MYH15: variants seen among roughly 807,000 people sequenced by gnomAD.
The protein encoded by MYH15 is myosin-15.
In MYH15, 227 loss-of-function variants were observed where a neutral mutation model predicts 240.5. The observed-to-expected ratio is 0.94, with a 90% CI of 0.85 to 1.05. The LOEUF (loss-of-function observed/expected upper bound fraction) is 1.05. Ranked by LOEUF, MYH15 falls within the 50% of genes least tolerant of loss-of-function variation. MYH15 has a pLI of 0.00. For missense variants in MYH15, 2,217 were observed against 2,247.5 expected (o/e 0.99, Z 0.27); for synonymous variants, 785 against 796.7 (o/e 0.99, Z 0.25).
chr3:108,486,796 A>G (rs185877037), intron 9 of MYH15, among the ~76,000 whole-genome samples: 13 of 152,272 alleles, frequency 8.5e-5, no homozygotes, highest in African/African-American at 2.9e-4. Flanking sequence ...GTAAAAAAAA[A>G]CAAAAACAAA....
At chr3:108,532,130 T>C (rs1444108254), upstream of MYH15, among the ~76,000 whole-genome samples, 3 of 151,724 alleles carry the variant, frequency 2.0e-5, no homozygotes, top group Non-Finnish European at 4.4e-5. Flanking sequence ...TATATAAAGA[T>C]CCTAAATGTT....
In MYH15 at chr3:108,464,606, A is replaced by T. The variant is rs372076251; in HGVS notation, c.1731+32T>A. The T allele has an allele frequency of 9.0e-6, 14 of 1,562,170 alleles. No homozygotes were observed. In the African/African-American group the frequency reaches 1.8e-4, roughly 20 times the overall value. Reference sequence around the variant, plus strand: ...AGCGCATTTGAAACAAAGTCAGGAAAATTCAAGACCGGGGGTCCAGAGGTA... The same window carrying T: ...AGCGCATTTGAAACAAAGTCAGGAATATTCAAGACCGGGGGTCCAGAGGTA... On this transcript the variant is annotated intron_variant, in intron 15 of 40. Coordinates refer to ENST00000693548, the MANE Select transcript of MYH15 (RefSeq NM_014981.3).
chr3:108,437,553 C>G lies in MYH15; in HGVS notation c.3221+1G>C, dbSNP rs754915159. 1 of 1,611,382 alleles carries G rather than the reference C, an allele frequency of 6.2e-7. No individual in the cohort carries two copies. The highest frequency in any genetic ancestry group is 1.7e-5 in the Admixed American group (1 of 59,510). On this transcript the variant is annotated splice_donor_variant, in intron 25 of 40. Transcript: ENST00000693548. LOFTEE classifies it high-confidence loss of function. Reference sequence around the variant, plus strand: ...CTCATGTCAACAGAAAGGTGGCTTACTTCCTCAGCTCTTCTGCCAGGTGTC... The same window carrying G: ...CTCATGTCAACAGAAAGGTGGCTTAGTTCCTCAGCTCTTCTGCCAGGTGTC...
upstream of MYH15, among the ~76,000 whole-genome samples, chr3:108,511,167 G>A (rs746635968): frequency 2.0e-5 from 3 of 151,978 alleles, no homozygotes; most frequent in East Asian, 3.9e-4. Context: ...CAGACAGACC[G>A]TTATAGACAG....
At chr3:108,384,822 A>C in intron 38 of MYH15, 40 bp from the exon 39 acceptor site, 2 of 1,567,026 alleles carry the variant, frequency 1.3e-6, no homozygotes, top group Non-Finnish European at 1.8e-6. Context: ...GATTCAGAGG[A>C]TCCAGCAGTC....
At chr3:108,416,248 A>G (rs983267613) in intron 29 of MYH15, among the ~76,000 whole-genome samples, 4 of 152,218 alleles carry the variant, frequency 2.6e-5, no homozygotes, top group African/African-American at 9.6e-5. Flanking sequence ...ATGTACAAGT[A>G]AGATAGTTTG....
chr3:108,458,713 T>C (rs546745123), intron 18 of MYH15, among the ~76,000 whole-genome samples: 8 of 151,924 alleles, frequency 5.3e-5, no homozygotes, highest in African/African-American at 1.7e-4. Context: ...ATCCATGTAG[T>C]TAATTTTGGT....
chr3:108,478,321 T>C (rs1357388864), intron 11 of MYH15, among the ~76,000 whole-genome samples: 1 of 152,212 alleles, frequency 6.6e-6, no homozygotes, highest in Non-Finnish European at 1.5e-5. Context: ...ATACCTACTT[T>C]ATGTTAGTTT....
intron 37 of MYH15, among the ~76,000 whole-genome samples, chr3:108,391,202 T>C (rs1353477318): frequency 1.3e-5 from 2 of 152,224 alleles, no homozygotes; most frequent in African/African-American, 4.8e-5. Flanking sequence ...ATATGCCTTG[T>C]CTGTAGTCAT....
chr3:108,387,657 A>G (rs1332501309), intron 38 of MYH15, among the ~76,000 whole-genome samples: 2 of 152,228 alleles, frequency 1.3e-5, no homozygotes, highest in African/African-American at 4.8e-5. Context: ...TGTCATCAAC[A>G]TGGGTGGCTT....
intron 30 of MYH15, among the ~76,000 whole-genome samples, chr3:108,411,625 T>C (rs993947373): frequency 1.1e-4 from 17 of 152,202 alleles, no homozygotes; most frequent in African/African-American, 4.1e-4. Context: ...CCCCGTAATA[T>C]GCTACTATTA....
intron 2 of MYH15, among the ~76,000 whole-genome samples, chr3:108,502,352 A>G (rs1278304840): frequency 6.6e-6 from 1 of 152,124 alleles, no homozygotes; most frequent in African/African-American, 2.4e-5. Context: ...GTTAAGTCTT[A>G]CCATTTGTAC....
At position 108,394,023 on chromosome 3, in the gene MYH15, G is replaced by T. The variant is rs779872719; in HGVS notation, c.5259+8C>A. ...AGACAGGATTGAGTACGTGGTCAAG[G>T]GACCCACCTCAATGGCTGCCTTCTT... On this transcript the variant is annotated splice_region_variant and intron_variant, in intron 36 of 40. Coordinates refer to ENST00000693548, the MANE Select transcript of MYH15 (RefSeq NM_014981.3). 2 of 1,613,546 alleles carry T rather than the reference G, an allele frequency of 1.2e-6. No homozygotes were observed. Among genetic ancestry groups the T allele is most frequent in the South Asian group, 2.2e-5 (2 of 91,044 alleles).
intron 33 of MYH15, 28 bp downstream of exon 33, chr3:108,405,310 T>G: frequency 7.5e-7 from 1 of 1,330,506 alleles, no homozygotes. Flanking sequence ...AATACATAAT[T>G]GTTACACATC....
At chr3:108,399,427 C>G (rs562130756) in intron 33 of MYH15, among the ~76,000 whole-genome samples, 160 bp from the exon 34 acceptor site, 10 of 152,266 alleles carry the variant, frequency 6.6e-5, no homozygotes, top group African/African-American at 2.4e-4. Flanking sequence ...ATTTTAAAAA[C>G]AGAGAGAATG....
chr3:108,510,376 C>G, intron 1 of MYH15, 67 bp downstream of exon 1: 1 of 1,541,064 alleles, frequency 6.5e-7, no homozygotes, highest in Non-Finnish European at 8.7e-7. Flanking sequence ...CTCTGTCAAT[C>G]AAATATCTTA....
At chr3:108,528,042 A>G (rs1198345293) in intron 1 of MYH15, among the ~76,000 whole-genome samples, 2 of 152,176 alleles carry the variant, frequency 1.3e-5, no homozygotes, top group Admixed American at 1.3e-4. Context: ...GTAAGAACCC[A>G]CTTCCTTATA....
intron 37 of MYH15, among the ~76,000 whole-genome samples, chr3:108,390,058 A>G (rs1311362462): frequency 6.6e-6 from 1 of 152,136 alleles, no homozygotes; most frequent in Non-Finnish European, 1.5e-5. Context: ...ATCTTCTGAC[A>G]CCTGCTATAT....
intron 14 of MYH15, among the ~76,000 whole-genome samples, chr3:108,469,807 C>T (rs2083155778): frequency 1.3e-5 from 2 of 152,222 alleles, no homozygotes; most frequent in Non-Finnish European, 1.5e-5. Context: ...CATGCATTAG[C>T]ATCAAATGTG....
Sources: allele counts gnomAD v4.1 joint callset (sites outside exome capture counted in the v4.1 genomes callset), GRCh38; gene constraint gnomAD v4.1.1; transcripts MANE v1.5; gene names NCBI Gene and HGNC (gene_info 2026-07-23, HGNC 2026-07-21).